Variants in RRP12 observed in about 807,000 individuals in gnomAD.
The protein encoded by RRP12 is RRP12-like protein.
In RRP12, 78 loss-of-function variants were observed where a neutral mutation model predicts 157.3. The ratio of observed to expected loss-of-function variants is 0.50; its 90% confidence interval spans 0.41 to 0.60. The LOEUF (loss-of-function observed/expected upper bound fraction) is 0.60. Ranked by LOEUF, RRP12 falls within the 20% of genes least tolerant of loss-of-function variation. The pLI is 0.00. For missense variants in RRP12, 1,521 were observed against 1,679.9 expected, an observed-to-expected ratio of 0.91 and a Z score of 1.65; for synonymous variants, 726 against 670.9, an observed-to-expected ratio of 1.08 and a Z score of -1.27.
At chr10:97,378,572 C>T (rs1405245057) in intron 15 of RRP12, among the ~76,000 whole-genome samples, 1 of 152,046 alleles carries the variant, frequency 6.6e-6, no homozygotes, top group African/African-American at 2.4e-5. Context: ...TATAAATACA[C>T]CTGGCTGGGC....
chr10:97,370,321 T>A, intron 23 of RRP12, 47 bp from the exon 24 acceptor site: 1 of 1,460,466 alleles, frequency 6.8e-7, no homozygotes, highest in South Asian at 1.2e-5. Flanking sequence ...ACCCACCAGG[T>A]AGGGGGGCTG....
At chr10:97,364,547 T>A (rs1843923083) in intron 29 of RRP12, among the ~76,000 whole-genome samples, 1 of 152,076 alleles carries the variant, frequency 6.6e-6, no homozygotes, top group African/African-American at 2.4e-5. Flanking sequence ...CAAAACCCCA[T>A]CACTACTAAA....
At chr10:97,371,336 G>C in intron 20 of RRP12, 1 of 532,180 alleles carries the variant, frequency 1.9e-6, no homozygotes, top group East Asian at 3.0e-5. Flanking sequence ...CCAGTGGCCT[G>C]AGCTCATGGT....
intron 11 of RRP12, 51 bp from the exon 12 acceptor site, chr10:97,381,534 C>A: frequency 7.1e-7 from 1 of 1,413,676 alleles, no homozygotes; most frequent in South Asian, 1.3e-5. Context: ...CCCCCAGGAC[C>A]ACTCTCCCCT....
intron 15 of RRP12, among the ~76,000 whole-genome samples, chr10:97,374,413 C>T (rs1176723733): frequency 1.3e-5 from 2 of 152,146 alleles, no homozygotes; most frequent in Non-Finnish European, 2.9e-5. Flanking sequence ...CCATGTGCCT[C>T]GGCCTCCCAA....
At chr10:97,391,968 C>A (rs1422965408) in intron 4 of RRP12, among the ~76,000 whole-genome samples, 2 of 151,200 alleles carry the variant, frequency 1.3e-5, no homozygotes, top group East Asian at 1.9e-4. Flanking sequence ...TTCGGTATAT[C>A]ATTCAGTACT....
intron 13 of RRP12, among the ~76,000 whole-genome samples, chr10:97,380,575 G>T (rs1368341331): frequency 1.3e-5 from 2 of 152,156 alleles, no homozygotes; most frequent in African/African-American, 4.8e-5. Context: ...AGTAACTCCA[G>T]CAAAGACTAG....
intron 13 of RRP12, among the ~76,000 whole-genome samples, chr10:97,380,204 A>G (rs1191993731): frequency 1.3e-5 from 2 of 152,200 alleles, no homozygotes; most frequent in African/African-American, 2.4e-5. Flanking sequence ...ATCAGGGCTC[A>G]GGCCAGGCCT....
At chr10:97,371,250 AGGCACAGGGGTTGGGGGTGTGTGCCGTGG>A in intron 20 of RRP12, 169 bp from the exon 21 acceptor site, 3 of 700,262 alleles carry the variant, frequency 4.3e-6, no homozygotes. Flanking sequence ...CTCCTGGGCG[AGGCACAGGGGTTGGGGGTGTGTGCCGTGG>A]GGCCCACCAA....
chr10:97,388,289 C>G lies in RRP12; in HGVS notation c.980G>C (p.Ser327Thr). Residue 327 changes from serine (S) to threonine (T), a missense_variant, in exon 8 of 34, where the codon AGT becomes ACT. Transcript: ENST00000370992. ...CFPEGLVKSC[S>T]ETLLRVMTLS... ...GGTCATGACCCTGAGGAGAGTCTCA[C>G]TGCAGCTCTTCACCAGGCCTTCCGG... 1 of 1,614,122 alleles carries G rather than the reference C, an allele frequency of 6.2e-7. No homozygotes were observed. Among genetic ancestry groups the G allele is most frequent in the African/African-American group, 1.3e-5 (1 of 75,038 alleles).
At chr10:97,360,118 C>G (rs750518064) in intron 31 of RRP12, among the ~76,000 whole-genome samples, 4 of 152,202 alleles carry the variant, frequency 2.6e-5, no homozygotes, top group Non-Finnish European at 5.9e-5. Context: ...AGAGGGGAAC[C>G]CTCTGGCCAG....
Position 97,396,227 on chromosome 10 carries a change from G to GT in RRP12, c.443_444insA (p.Phe148LeufsTer38). 6.2e-7 allele frequency: 1 copy of GT among 1,611,732 alleles called. No homozygotes were observed. The highest frequency in any genetic ancestry group is 8.5e-7 in the Non-Finnish European group (1 of 1,178,258). ...AGTGGCACCCACTCACCAGAGCAGC[G>GT]AAGTACTCAGTCTCCGTCTCCTTCC... On this transcript the variant is annotated frameshift_variant, in exon 3 of 34. Coordinates refer to ENST00000370992, the MANE Select transcript of RRP12 (RefSeq NM_015179.4). LOFTEE classifies it high-confidence loss of function.
chr10:97,393,492 TTTAG>T (rs1464857198), intron 4 of RRP12, 188 bp downstream of exon 4: 56 of 687,974 alleles, frequency 8.1e-5, no homozygotes, highest in Non-Finnish European at 1.4e-4. Flanking sequence ...GACAGCCTAG[TTTAG>T]TTAGAGTTTC....
At chr10:97,360,715 G>A in intron 30 of RRP12, 97 bp from the exon 31 acceptor site, 2 of 907,714 alleles carry the variant, frequency 2.2e-6, no homozygotes, top group Non-Finnish European at 3.7e-6. Flanking sequence ...CATCAAGCAG[G>A]AGAGGCCCTC....
At chr10:97,395,835 T>A (rs1240779305) in intron 3 of RRP12, among the ~76,000 whole-genome samples, 1 of 141,940 alleles carries the variant, frequency 7.0e-6, no homozygotes, top group African/African-American at 2.7e-5. Context: ...TGGGCGACAG[T>A]GTGAGACTCC....
intron 20 of RRP12, chr10:97,371,385 T>A: frequency 2.5e-6 from 1 of 402,002 alleles, no homozygotes; most frequent in South Asian, 4.0e-5. Flanking sequence ...TGCTGCTCTT[T>A]CTAGCCGGAG....
intron 13 of RRP12, among the ~76,000 whole-genome samples, chr10:97,380,556 T>C (rs7092499): frequency 0.38 from 58,073 of 152,010 alleles, 11,567 homozygotes; most frequent in African/African-American, 0.5. Context: ...CTCCCTAAGT[T>C]TCAAAACCAG....
chr10:97,382,114 A>G (rs1844487461), intron 10 of RRP12, among the ~76,000 whole-genome samples: 1 of 152,170 alleles, frequency 6.6e-6, no homozygotes. Context: ...GGGGAAAATC[A>G]AGGTTAAGTT....
chr10:97,388,074 G>C, intron 8 of RRP12, 178 bp downstream of exon 8: 1 of 694,152 alleles, frequency 1.4e-6, no homozygotes, highest in Non-Finnish European at 2.4e-6. Context: ...ATCTGGAAGG[G>C]GACTCTGATA....
Sources: gnomAD v4.1 joint callset for allele counts (sites outside exome capture counted in the v4.1 genomes callset) on GRCh38, gnomAD v4.1.1 for gene constraint, MANE v1.5 for transcripts, NCBI Gene and HGNC (gene_info 2026-07-23, HGNC 2026-07-21) for gene names.